Variants in DLGAP2 observed in about 807,000 individuals in gnomAD.
DLGAP2 encodes the protein disks large-associated protein 2.
In DLGAP2, 26 loss-of-function variants were observed where a neutral mutation model predicts 100.3. That is an observed-to-expected ratio of 0.26 (90% CI 0.19 to 0.36). The LOEUF (loss-of-function observed/expected upper bound fraction) is 0.36. Ranked by LOEUF, DLGAP2 falls within the 10% of genes least tolerant of loss-of-function variation. The pLI, the probability that DLGAP2 is intolerant of heterozygous loss-of-function variation, is 1.00. For missense variants in DLGAP2, 1,858 were observed against 1,453.2 expected (o/e 1.28, Z -4.53); for synonymous variants, 886 against 630.1 (o/e 1.41, Z -6.08).
intron 2 of DLGAP2, among the ~76,000 whole-genome samples, chr8:1,021,317 C>G (rs1347183561): frequency 6.6e-6 from 1 of 152,102 alleles, no homozygotes; most frequent in South Asian, 2.1e-4. Context: ...TTGGAAAGTG[C>G]TCAGAGAGAA....
rs141366382 is a variant in DLGAP2 at position 1,376,497 on chromosome 8, G to A, written c.106+117614G>A. Among the ~76,000 whole-genome samples, 531 of 152,372 alleles carry A rather than the reference G, an allele frequency of 3.5e-3. 3 individuals are homozygous for A. Among genetic ancestry groups the A allele is most frequent in the African/African-American group, 0.012 (489 of 41,580 alleles). ...GCGCTTCAGAACTCAGAGCTCCGAC[G>A]GAGCTGGAGGCCGTGCTGGTACAAT... On this transcript the variant is annotated intron_variant, in intron 3 of 14. Coordinates refer to ENST00000637795, the MANE Select transcript of DLGAP2 (RefSeq NM_001346810.2).
chr8:1,254,579 G>A (rs1443614429), intron 2 of DLGAP2, among the ~76,000 whole-genome samples: 1 of 152,122 alleles, frequency 6.6e-6, no homozygotes, highest in Non-Finnish European at 1.5e-5. Flanking sequence ...ACGATCTATG[G>A]CCTAAGACGG....
At chr8:1,332,953 C>T (rs1010048270) in intron 3 of DLGAP2, among the ~76,000 whole-genome samples, 4 of 152,204 alleles carry the variant, frequency 2.6e-5, no homozygotes, top group African/African-American at 7.2e-5. Context: ...AGCAAGCCTA[C>T]TCCCTTCCAC....
intron 4 of DLGAP2, among the ~76,000 whole-genome samples, chr8:1,512,534 GTGAC>G: frequency 6.6e-6 from 1 of 152,278 alleles, no homozygotes; most frequent in South Asian, 2.1e-4. Flanking sequence ...GGTTGCACGT[GTGAC>G]TGACGCACTC....
At chr8:1,020,588 G>A (rs1487233815) in intron 2 of DLGAP2, among the ~76,000 whole-genome samples, 2 of 152,240 alleles carry the variant, frequency 1.3e-5, no homozygotes, top group African/African-American at 4.8e-5. Context: ...TGAACGCATT[G>A]ACAGCATTGT....
chr8:1,031,030 C>T (rs568157693), intron 2 of DLGAP2, among the ~76,000 whole-genome samples: 88 of 152,310 alleles, frequency 5.8e-4, no homozygotes, highest in African/African-American at 2.0e-3. Flanking sequence ...GTTGTTTTTC[C>T]TGGTGGCTGC....
chr8:1,667,501 A>G (rs1385647078), intron 8 of DLGAP2, among the ~76,000 whole-genome samples: 6 of 152,082 alleles, frequency 3.9e-5, no homozygotes, highest in South Asian at 4.2e-4. Flanking sequence ...ACTTAAACCT[A>G]TGGAGCCTGT....
At chr8:1,267,621 G>A (rs56120779) in intron 3 of DLGAP2, among the ~76,000 whole-genome samples, 46,488 of 81,620 alleles carry the variant, frequency 0.57, 14,524 homozygotes, top group African/African-American at 0.69. Flanking sequence ...GATAAGATAA[G>A]ATAAATATTA....
chr8:1,376,601 G>C lies in DLGAP2; in HGVS notation c.106+117718G>C, dbSNP rs150209691. ...GAAGAAGGGGGAGCCGGGTGGCAGT[G>C]GGGAGCCGGGTGACAGGGACGTGCC... On this transcript the variant is annotated intron_variant, in intron 3 of 14. Transcript: ENST00000637795. 7.4e-4 allele frequency among the ~76,000 whole-genome samples: 112 copies of C among 151,988 alleles called. 2 individuals are homozygous for C. The highest frequency in any genetic ancestry group is 2.6e-3 in the African/African-American group (109 of 41,300).
chr8:943,714 G>A (rs1346223996), intron 2 of DLGAP2, among the ~76,000 whole-genome samples: 2 of 152,166 alleles, frequency 1.3e-5, no homozygotes, highest in Non-Finnish European at 2.9e-5. Flanking sequence ...TAGACGTCGT[G>A]ATGTGGCCAT....
At chr8:1,124,155 C>T (rs937751494) in intron 2 of DLGAP2, among the ~76,000 whole-genome samples, 2 of 152,196 alleles carry the variant, frequency 1.3e-5, no homozygotes, top group African/African-American at 4.8e-5. Context: ...TAAATGCTGT[C>T]TGTGTATTGA....
chr8:1,130,991 G>T (rs2129049081), intron 2 of DLGAP2, among the ~76,000 whole-genome samples: 1 of 152,296 alleles, frequency 6.6e-6, no homozygotes, highest in African/African-American at 2.4e-5. Context: ...CCAGAGCACA[G>T]CTTACTCCGT....
rs1203151608 is a variant in DLGAP2, at chr8:1,457,975, C to CATATACAT, written c.107-43386_107-43385insCATATATA. Among the ~76,000 whole-genome samples the CATATACAT allele has an allele frequency of 1.6e-4, 17 of 107,738 alleles. No homozygotes were observed. In the South Asian group the frequency reaches 2.2e-3, roughly 14 times the overall value. The allele number at this position is 107,738 out of a possible 152,430, so 70.7% of individuals were successfully genotyped here. On this transcript the variant is annotated intron_variant, in intron 3 of 14. Coordinates refer to ENST00000637795, the MANE Select transcript of DLGAP2 (RefSeq NM_001346810.2). ...CTGTCAATTGTCTCTGTTCTCTGATCATATATATATATATATATATATATA... is the reference window on the plus strand; with the variant it reads ...CTGTCAATTGTCTCTGTTCTCTGATCATATACATATATATATATATATATATATATATA...
At chr8:762,088 C>G (rs1821102168) in intron 1 of DLGAP2, among the ~76,000 whole-genome samples, 2 of 152,286 alleles carry the variant, frequency 1.3e-5, no homozygotes, top group South Asian at 4.1e-4. Context: ...TGCTATGTAA[C>G]TGTCACAGAA....
intron 6 of DLGAP2, among the ~76,000 whole-genome samples, chr8:1,600,970 C>G (rs998660734): frequency 1.3e-5 from 2 of 152,212 alleles, no homozygotes; most frequent in African/African-American, 4.8e-5. Context: ...TTGGAATTTT[C>G]AACCTTGTTG....
intron 1 of DLGAP2, among the ~76,000 whole-genome samples, chr8:770,705 G>A (rs959195305): frequency 1.8e-4 from 27 of 152,116 alleles, no homozygotes; most frequent in African/African-American, 5.1e-4. Context: ...TTGCTGGGCC[G>A]GCTGTGGAAC....
Position 1,195,196 on chromosome 8 carries a change from C to G in DLGAP2, c.74-63655C>G, listed in dbSNP as rs77338808. Among the ~76,000 whole-genome samples, 691 of 152,320 alleles carry G rather than the reference C, an allele frequency of 4.5e-3. 40 individuals are homozygous for G. The East Asian group carries it at 0.13, about 28-fold the overall frequency. The stretch of plus-strand genomic sequence containing the variant: ...AGACGAGGGTGTCAGGAAGGTGCCC[C>G]ATGGTCATCCCAGCTGGGACTGGGG... On this transcript the variant is annotated intron_variant, in intron 2 of 14. Transcript: ENST00000637795.
intron 2 of DLGAP2, among the ~76,000 whole-genome samples, chr8:1,153,768 CTG>C (rs1229843686): frequency 6.6e-6 from 1 of 152,106 alleles, no homozygotes; most frequent in African/African-American, 2.4e-5. Flanking sequence ...GCAGTCATAA[CTG>C]TTAGGAAACA....
At chr8:1,360,561 G>C (rs1801960389) in intron 3 of DLGAP2, among the ~76,000 whole-genome samples, 1 of 152,154 alleles carries the variant, frequency 6.6e-6, no homozygotes, top group South Asian at 2.1e-4. Flanking sequence ...CCATCTGGGT[G>C]AGCTGGGCTG....
Sources: gnomAD v4.1 joint callset for allele counts (sites outside exome capture counted in the v4.1 genomes callset) on GRCh38, gnomAD v4.1.1 for gene constraint, MANE v1.5 for transcripts, NCBI Gene and HGNC (gene_info 2026-07-23, HGNC 2026-07-21) for gene names.